Variants in APOOL observed in about 807,000 individuals in gnomAD.
APOOL encodes apolipoprotein O like.
APOOL carries 12 observed loss-of-function variants against 23.1 expected under a neutral mutation model. That is an observed-to-expected ratio of 0.52 (90% CI 0.33 to 0.84). APOOL has a LOEUF of 0.84. APOOL is among the 40% of genes least tolerant of loss of function. The probability of loss-of-function intolerance (pLI) is 0.02; values close to 1 mark genes in which losing one functional copy is unlikely to be tolerated. For missense variants in APOOL, 212 were observed against 199.6 expected (o/e 1.06, Z -0.37); for synonymous variants, 77 against 69.9 (o/e 1.10, Z -0.51).
intron 1 of APOOL, among the ~76,000 whole-genome samples, chrX:85,039,546 C>T (rs970480950): frequency 9.0e-6 from 1 of 111,258 alleles, no homozygotes; most frequent in Admixed American, 9.6e-5. Flanking sequence ...ATGTAAATCT[C>T]CTTGTAGGTA....
intron 1 of APOOL, among the ~76,000 whole-genome samples, chrX:85,032,370 C>T (rs1043350478): frequency 2.7e-5 from 3 of 110,865 alleles, no homozygotes; most frequent in African/African-American, 6.6e-5. Context: ...CAAAATTAGC[C>T]GGGCGTGGTG....
intron 1 of APOOL, among the ~76,000 whole-genome samples, chrX:85,036,614 G>T (rs1341127887): frequency 1.8e-5 from 2 of 111,647 alleles, no homozygotes; most frequent in Non-Finnish European, 3.8e-5. Context: ...TGTCATAGAT[G>T]GCTATTATTA....
chrX:85,032,097 G>T (rs1922056635), intron 1 of APOOL, among the ~76,000 whole-genome samples: 1 of 111,915 alleles, frequency 8.9e-6, no homozygotes, highest in South Asian at 3.7e-4. Flanking sequence ...GCAATATTCG[G>T]TATTTGTCAA....
chrX:85,063,346 C>G (rs1923310963), intron 5 of APOOL, among the ~76,000 whole-genome samples: 1 of 111,206 alleles, frequency 9.0e-6, no homozygotes, highest in Admixed American at 9.6e-5. Context: ...TCTTTCAATA[C>G]CCTTTATTTT....
rs763983589 is a variant in APOOL at position 85,091,103 on chromosome X, A to G, written c.*3425A>G. ...AAAAACACGCAAAAAGTGCAAAATT[A>G]GCTAGGCGTGGTGGCTCATGCCTGT... On this transcript the variant is annotated 3_prime_UTR_variant, in exon 9 of 9. Transcript: ENST00000373173. 8.9e-6 allele frequency: 1 copy of G among 111,778 alleles called. No individual in the cohort carries two copies. Among genetic ancestry groups the G allele is most frequent in the Non-Finnish European group, 1.9e-5 (1 of 53,194 alleles). The allele number at this position is 111,778 out of a possible 1,213,427, so 9.2% of individuals were successfully genotyped here. A position where few individuals can be genotyped will look rare whatever the true frequency, so the allele number is the denominator to read the frequency against.
intron 1 of APOOL, among the ~76,000 whole-genome samples, chrX:85,012,846 T>A (rs532192019): frequency 8.9e-6 from 1 of 111,745 alleles, no homozygotes; most frequent in Admixed American, 9.5e-5. Flanking sequence ...ATTTGGGTAA[T>A]ACTGGCTTCA....
intron 1 of APOOL, among the ~76,000 whole-genome samples, chrX:85,039,296 G>A (rs1922333282): frequency 9.2e-6 from 1 of 108,923 alleles, no homozygotes. Context: ...TTTTTTTTGT[G>A]TGTGTATTTT....
chrX:85,063,575 G>A (rs1923321327), intron 5 of APOOL, among the ~76,000 whole-genome samples: 1 of 111,306 alleles, frequency 9.0e-6, no homozygotes, highest in Non-Finnish European at 1.9e-5. Flanking sequence ...TAACATGAAG[G>A]GATGTTGAAT....
intron 1 of APOOL, among the ~76,000 whole-genome samples, chrX:85,016,421 C>T (rs934686502): frequency 9.1e-6 from 1 of 110,071 alleles, no homozygotes; most frequent in East Asian, 2.9e-4. Context: ...ACGTCATAGC[C>T]TCACTCCTGT....
chrX:85,084,560 C>G (rs1924226648), intron 8 of APOOL, among the ~76,000 whole-genome samples: 2 of 109,423 alleles, frequency 1.8e-5, no homozygotes, highest in African/African-American at 6.6e-5. Flanking sequence ...CCAGACTCTA[C>G]CAAGAATTAT....
intron 2 of APOOL, among the ~76,000 whole-genome samples, chrX:85,049,303 TTAAAG>T (rs2147645860): frequency 9.0e-6 from 1 of 111,699 alleles, no homozygotes; most frequent in South Asian, 3.7e-4. Context: ...CTTAAAATTC[TTAAAG>T]TAGAGCTGAA....
Position 85,092,307 on chromosome X carries a change from T to A in APOOL, c.*4629T>A. ...AATGTGATGATCACTTGCTGTATTG[T>A]ACAACAAAGTCAAACTGCTGTTAGA... On this transcript the variant is annotated 3_prime_UTR_variant, in exon 9 of 9. Coordinates refer to ENST00000373173, the MANE Select transcript of APOOL (RefSeq NM_198450.6). 3.0e-6 allele frequency: 3 copies of A among 1,013,935 alleles called. No individual in the cohort carries two copies. The highest frequency in any genetic ancestry group is 1.9e-5 in the African/African-American group (1 of 52,539). 83.6% of individuals were successfully genotyped at this position (1,013,935 alleles called of 1,213,427 possible). A position where few individuals can be genotyped will look rare whatever the true frequency, so the allele number is the denominator to read the frequency against.
chrX:85,035,648 A>T (rs1713800113), intron 1 of APOOL, among the ~76,000 whole-genome samples: 1 of 111,431 alleles, frequency 9.0e-6, no homozygotes, highest in African/African-American at 3.3e-5. Context: ...GCAGAAGTTT[A>T]GTTTTAATCT....
At chrX:85,056,661 T>G (rs912485157) in intron 5 of APOOL, among the ~76,000 whole-genome samples, 2 of 111,204 alleles carry the variant, frequency 1.8e-5, no homozygotes, top group African/African-American at 6.5e-5. Flanking sequence ...GAGAATCACT[T>G]GAACCCGGGA....
intron 1 of APOOL, among the ~76,000 whole-genome samples, chrX:85,035,568 T>A (rs1387120899): frequency 9.0e-6 from 1 of 110,997 alleles, no homozygotes; most frequent in Admixed American, 9.7e-5. Context: ...TTCTTCAGGG[T>A]TTTTATTTTT....
chrX:85,050,931 TTAAG>T (rs1362516526), intron 2 of APOOL, among the ~76,000 whole-genome samples: 12 of 111,353 alleles, frequency 1.1e-4, no homozygotes, highest in Non-Finnish European at 2.3e-4. Context: ...AATGTTTTTT[TTAAG>T]TAACCTTATA....
chrX:85,050,707 A>G (rs1447757533), intron 2 of APOOL, among the ~76,000 whole-genome samples: 1 of 110,283 alleles, frequency 9.1e-6, no homozygotes, highest in African/African-American at 3.3e-5. Context: ...AATACTAATT[A>G]GAATCAAAAG....
chrX:85,074,644 C>G (rs994115557), intron 8 of APOOL, among the ~76,000 whole-genome samples: 1 of 109,876 alleles, frequency 9.1e-6, no homozygotes, highest in Non-Finnish European at 1.9e-5. Context: ...TTAGGTGAAG[C>G]ATTTAATATA....
chrX:85,075,174 A>G (rs756236737), intron 8 of APOOL, among the ~76,000 whole-genome samples: 4 of 111,164 alleles, frequency 3.6e-5, no homozygotes, highest in African/African-American at 9.8e-5. Context: ...GAATAATAAT[A>G]ATATGCACCC....
Sources: gnomAD v4.1 joint callset for allele counts (sites outside exome capture counted in the v4.1 genomes callset) on GRCh38, gnomAD v4.1.1 for gene constraint, MANE v1.5 for transcripts, NCBI Gene and HGNC (gene_info 2026-07-23, HGNC 2026-07-21) for gene names.